Variants in CALCR observed in about 807,000 individuals in gnomAD.
CALCR encodes calcitonin receptor.
CALCR carries 47 observed loss-of-function variants against 59.5 expected under a neutral mutation model. The observed-to-expected ratio is 0.79, with a 90% CI of 0.63 to 1.01. The LOEUF is 1.01. Among genes scored for constraint, CALCR ranks in the 50% least tolerant of loss-of-function variants. The pLI is 0.00. For missense variants in CALCR, 566 were observed against 597.1 expected, an observed-to-expected ratio of 0.95 and a Z score of 0.54; for synonymous variants, 213 against 211.3, an observed-to-expected ratio of 1.01 and a Z score of -0.07.
At chr7:93,471,137 G>A (rs1800543749) in intron 6 of CALCR, among the ~76,000 whole-genome samples, 1 of 151,766 alleles carries the variant, frequency 6.6e-6, no homozygotes, top group Admixed American at 6.6e-5. Context: ...ATTCTTAGAT[G>A]TGGCCAGTGT....
intron 6 of CALCR, among the ~76,000 whole-genome samples, chr7:93,470,444 C>T (rs1421957967): frequency 6.6e-6 from 1 of 151,696 alleles, no homozygotes; most frequent in African/African-American, 2.4e-5. Context: ...TATCTGCACC[C>T]CCTCTTCTGT....
chr7:93,474,474 A>T (rs1800623191), intron 5 of CALCR, among the ~76,000 whole-genome samples: 1 of 151,746 alleles, frequency 6.6e-6, no homozygotes, highest in Admixed American at 6.6e-5. Context: ...CATTCCAGTG[A>T]CCTAAAGAAT....
chr7:93,567,999 A>G (rs1400585332), intron 2 of CALCR, among the ~76,000 whole-genome samples: 3 of 152,178 alleles, frequency 2.0e-5, no homozygotes, highest in African/African-American at 7.2e-5. Context: ...CTCCCCATAC[A>G]CTATCATAAT....
intron 7 of CALCR, chr7:93,462,223 A>G: frequency 3.6e-6 from 2 of 562,810 alleles, no homozygotes; most frequent in Admixed American, 3.5e-5. Context: ...ATTAATAAAT[A>G]ATATTTTTAA....
intron 2 of CALCR, among the ~76,000 whole-genome samples, chr7:93,540,218 T>C (rs1487206484): frequency 6.6e-6 from 1 of 152,212 alleles, no homozygotes; most frequent in Non-Finnish European, 1.5e-5. Flanking sequence ...TTTCAGTGCC[T>C]GTGAAACAGT....
intron 2 of CALCR, among the ~76,000 whole-genome samples, chr7:93,552,885 A>G (rs1789498439): frequency 6.6e-6 from 1 of 152,156 alleles, no homozygotes; most frequent in Admixed American, 6.6e-5. Context: ...CCAGATAGAC[A>G]TGGTGGGCCA....
chr7:93,460,835 C>A lies in CALCR; in HGVS notation c.634G>T (p.Val212Leu). Residue 212 changes from valine to leucine, a missense_variant, in exon 8 of 14, where the codon GTG becomes TTG. Transcript: ENST00000426151. ...GCAGTACTTACCGGGTCCCTTCGCA[C>A]GAGCTCTCCATTGGGTACTACTTCA... ...LVEVVPNGELVRRDPVSCKIL... is the reference protein window; with the variant it reads ...LVEVVPNGELLRRDPVSCKIL... The A allele has an allele frequency of 1.9e-6, 3 of 1,607,566 alleles. No homozygotes were observed. Among genetic ancestry groups the A allele is most frequent in the Non-Finnish European group, 2.5e-6 (3 of 1,177,396 alleles).
At chr7:93,563,772 C>T (rs1178861410) in intron 2 of CALCR, among the ~76,000 whole-genome samples, 1 of 152,170 alleles carries the variant, frequency 6.6e-6, no homozygotes, top group African/African-American at 2.4e-5. Flanking sequence ...GCACACTTCC[C>T]TTTTCTGATT....
rs138571893 is a variant in CALCR at position 93,483,025 on chromosome 7, T to C, written c.52-3518A>G. Among the ~76,000 whole-genome samples the C allele has an allele frequency of 4.7e-3, 720 of 151,894 alleles. 5 individuals are homozygous for C. Among genetic ancestry groups the C allele is most frequent in the African/African-American group, 0.017 (690 of 41,508 alleles). On this transcript the variant is annotated intron_variant, in intron 3 of 13. Transcript: ENST00000426151. Reference sequence around the variant, plus strand: ...GGCATTACGTTTATACATACAGTCATCCCTTGGTATACTCAGGGGATTGGT... The same window carrying C: ...GGCATTACGTTTATACATACAGTCACCCCTTGGTATACTCAGGGGATTGGT...
At chr7:93,465,796 C>T (rs957904270) in intron 7 of CALCR, among the ~76,000 whole-genome samples, 1 of 151,818 alleles carries the variant, frequency 6.6e-6, no homozygotes, top group African/African-American at 2.4e-5. Context: ...CCCCTGCATG[C>T]TCAGAATAAA....
chr7:93,457,625 C>T (rs1020779582), intron 8 of CALCR, among the ~76,000 whole-genome samples: 3 of 152,112 alleles, frequency 2.0e-5, no homozygotes, highest in African/African-American at 4.8e-5. Flanking sequence ...TGGCCTGCTC[C>T]GTACAGAGAG....
intron 2 of CALCR, among the ~76,000 whole-genome samples, chr7:93,557,610 T>C (rs1237076025): frequency 6.6e-6 from 1 of 152,006 alleles, no homozygotes; most frequent in Non-Finnish European, 1.5e-5. Context: ...TTAGATATAG[T>C]CAAGTCTCAT....
chr7:93,524,745 T>A (rs1337559757), intron 2 of CALCR, among the ~76,000 whole-genome samples: 1 of 152,154 alleles, frequency 6.6e-6, no homozygotes, highest in Admixed American at 6.5e-5. Flanking sequence ...TAAATATCTG[T>A]ATCTATAATC....
chr7:93,487,661 T>G (rs1349781592), intron 2 of CALCR, among the ~76,000 whole-genome samples: 8 of 151,464 alleles, frequency 5.3e-5, no homozygotes. Context: ...CTGCAGATAA[T>G]TTTACACAAG....
chr7:93,518,391 A>C (rs1801690174), intron 2 of CALCR, among the ~76,000 whole-genome samples: 1 of 151,584 alleles, frequency 6.6e-6, no homozygotes, highest in Non-Finnish European at 1.5e-5. Context: ...ATATGAAAAA[A>C]CTCTACTCAT....
chr7:93,507,267 C>T (rs1380483657), intron 2 of CALCR, among the ~76,000 whole-genome samples: 1 of 151,658 alleles, frequency 6.6e-6, no homozygotes, highest in African/African-American at 2.4e-5. Flanking sequence ...AGTAAATAGA[C>T]TAATAAGGTG....
Position 93,479,388 on chromosome 7 carries a change from G to T in CALCR, c.171C>A (p.Asp57Glu), listed in dbSNP as rs981868311. ...KMMDAQYKCY[D>E]RMQQLPAYQG... is the part of the protein sequence containing the mutation. ...GGTATGCGGGTAACTGCTGCATTCG[G>T]TCATAGCATTTGTACTGTGCATCCA... Residue 57 changes from aspartate (D) to glutamate (E), a missense_variant, in exon 4 of 14, where the codon GAC becomes GAA. Physicochemically the swap from Asp to Glu is conservative, Grantham distance 45. Transcript: ENST00000426151. The T allele has an allele frequency of 6.2e-7, 1 of 1,611,476 alleles. No homozygotes were observed. The highest frequency in any genetic ancestry group is 8.5e-7 in the Non-Finnish European group (1 of 1,178,670).
chr7:93,496,484 C>T (rs1428883613), intron 2 of CALCR, among the ~76,000 whole-genome samples: 2 of 151,474 alleles, frequency 1.3e-5, no homozygotes, highest in African/African-American at 2.4e-5. Context: ...GTCATGAGAA[C>T]GAGCTGCCCT....
chr7:93,460,930 C>T lies in CALCR; in HGVS notation c.539G>A (p.Arg180Lys). Residue 180 changes from arginine to lysine, a missense_variant, in exon 8 of 14, where the codon AGG (arginine) becomes AAG (lysine). By Grantham distance (26) the Arg-to-Lys change is conservative. Coordinates refer to ENST00000426151, the MANE Select transcript of CALCR (RefSeq NM_001742.4). ...AAACATGTTCTTGTGCAGGGTTACC[C>T]TTTGGCAGCCAAGGCTCCTGGAAGA... ...FVFFRSLGCQ[R>K]VTLHKNMFLT... 1 of 1,609,658 alleles carries T rather than the reference C, an allele frequency of 6.2e-7. No homozygotes were observed. The highest frequency in any genetic ancestry group is 8.5e-7 in the Non-Finnish European group (1 of 1,178,238).
Sources: gnomAD v4.1 joint callset for allele counts (sites outside exome capture counted in the v4.1 genomes callset) on GRCh38, gnomAD v4.1.1 for gene constraint, MANE v1.5 for transcripts, NCBI Gene and HGNC (gene_info 2026-07-23, HGNC 2026-07-21) for gene names.